RIMS2: variants seen among roughly 807,000 people sequenced by gnomAD.
The protein encoded by RIMS2 is regulating synaptic membrane exocytosis 2.
A neutral mutation model predicts 174.4 loss-of-function variants in RIMS2; 59 were observed. The observed-to-expected ratio is 0.34, with a 90% CI of 0.27 to 0.42. The LOEUF (loss-of-function observed/expected upper bound fraction) is 0.42. RIMS2 is among the 10% of genes least tolerant of loss of function. The pLI is 1.00. For synonymous variants in RIMS2, 606 were observed against 572.5 expected, an observed-to-expected ratio of 1.06 and a Z score of -0.84; for missense variants, 1,620 against 1,666.3, an observed-to-expected ratio of 0.97 and a Z score of 0.48.
At chr8:104,099,792 C>T (rs1238379396) in intron 19 of RIMS2, among the ~76,000 whole-genome samples, 3 of 151,258 alleles carry the variant, frequency 2.0e-5, no homozygotes, top group Non-Finnish European at 2.9e-5. Context: ...CCCATATGAT[C>T]GGCAGAAAAC....
intron 2 of RIMS2, among the ~76,000 whole-genome samples, chr8:103,726,367 A>G (rs181581003): frequency 2.6e-5 from 4 of 152,192 alleles, no homozygotes; most frequent in Non-Finnish European, 5.9e-5. Context: ...TGTATTTTGG[A>G]GAACAGATAA....
At chr8:104,122,547 T>C (rs1027348981) in intron 19 of RIMS2, among the ~76,000 whole-genome samples, 6 of 152,048 alleles carry the variant, frequency 3.9e-5, no homozygotes, top group African/African-American at 1.4e-4. Flanking sequence ...GAAAAAAAGT[T>C]TGGGATGTCA....
chr8:103,505,967 G>A (rs1311058327), intron 1 of RIMS2, among the ~76,000 whole-genome samples: 8 of 151,884 alleles, frequency 5.3e-5, no homozygotes, highest in South Asian at 2.1e-4. Flanking sequence ...TACTGGTCAC[G>A]ATTTAAAAAA....
chr8:104,253,338 A>G (rs1385024882), downstream of RIMS2: 1 of 152,190 alleles, frequency 6.6e-6, no homozygotes, highest in African/African-American at 2.4e-5. Flanking sequence ...GAATAGAAGC[A>G]CTGCTAAAAA....
At chr8:103,511,441 G>A (rs1276166517) in intron 1 of RIMS2, among the ~76,000 whole-genome samples, 1 of 152,226 alleles carries the variant, frequency 6.6e-6, no homozygotes, top group Non-Finnish European at 1.5e-5. Context: ...ATTTCCACAA[G>A]AAGTAGTTTC....
At chr8:104,164,058 G>A (rs527894796) in intron 19 of RIMS2, among the ~76,000 whole-genome samples, 1 of 152,112 alleles carries the variant, frequency 6.6e-6, no homozygotes, top group Non-Finnish European at 1.5e-5. Context: ...TAGCCCAAAG[G>A]TAGGGGAACA....
intron 3 of RIMS2, chr8:103,819,236 T>C: frequency 7.9e-7 from 1 of 1,260,482 alleles, no homozygotes; most frequent in African/African-American, 1.5e-5. Context: ...CAGCTGGGAA[T>C]GCCCAAAAAG....
chr8:103,915,530 T>G (rs756288094), exon 7 of RIMS2: 1 of 1,607,460 alleles, frequency 6.2e-7, no homozygotes, highest in South Asian at 1.1e-5. Flanking sequence ...CAGGTCGGCT[T>G]TGTGCATTTA....
chr8:104,056,966 C>T (rs892316165), intron 19 of RIMS2, among the ~76,000 whole-genome samples: 14 of 152,144 alleles, frequency 9.2e-5, no homozygotes, highest in East Asian at 5.8e-4. Context: ...TTCAAGGTCC[C>T]GTCAACTCTG....
At chr8:104,059,275 G>T (rs971740165) in intron 19 of RIMS2, among the ~76,000 whole-genome samples, 4 of 149,224 alleles carry the variant, frequency 2.7e-5, no homozygotes, top group Non-Finnish European at 4.5e-5. Context: ...TCCTTGAAGA[G>T]GTCCTTCACA....
intron 15 of RIMS2, among the ~76,000 whole-genome samples, chr8:103,971,094 C>T (rs1292954797): frequency 6.6e-6 from 1 of 152,118 alleles, no homozygotes; most frequent in African/African-American, 2.4e-5. Flanking sequence ...TGATGCACTT[C>T]ACAACTTGAA....
chr8:104,203,119 A>T (rs1368772227), intron 19 of RIMS2, among the ~76,000 whole-genome samples: 2 of 152,194 alleles, frequency 1.3e-5, no homozygotes. Context: ...ATATAAAATG[A>T]TTTATCAGGC....
chr8:103,868,583 A>C (rs16870786), intron 3 of RIMS2, among the ~76,000 whole-genome samples: 23,963 of 152,120 alleles, frequency 0.16, 1,990 homozygotes, highest in Middle Eastern at 0.24. Flanking sequence ...CCATGTGTTA[A>C]GATTAAACAT....
At chr8:103,952,036 C>G (rs2085531497) in intron 14 of RIMS2, among the ~76,000 whole-genome samples, 2 of 152,190 alleles carry the variant, frequency 1.3e-5, no homozygotes, top group Admixed American at 1.3e-4. Flanking sequence ...GCCACTGTGG[C>G]CAGACTGCCT....
intron 1 of RIMS2, among the ~76,000 whole-genome samples, chr8:103,617,372 A>G (rs1468262544): frequency 6.6e-6 from 1 of 152,212 alleles, no homozygotes; most frequent in Non-Finnish European, 1.5e-5. Context: ...AAGATGGATT[A>G]AAGACTTAAA....
intron 1 of RIMS2, among the ~76,000 whole-genome samples, chr8:103,591,579 T>G (rs1266038810): frequency 6.6e-6 from 1 of 151,314 alleles, no homozygotes; most frequent in Non-Finnish European, 1.5e-5. Context: ...GAATTAATTA[T>G]TGTATGTGGT....
At chr8:103,964,373 T>C (rs1335881947) in intron 15 of RIMS2, among the ~76,000 whole-genome samples, 1 of 152,148 alleles carries the variant, frequency 6.6e-6, no homozygotes, top group African/African-American at 2.4e-5. Context: ...AGGTGTATAG[T>C]GGTATCTTGT....
intron 5 of RIMS2, among the ~76,000 whole-genome samples, chr8:103,911,674 C>T (rs1043836828): frequency 2.0e-5 from 3 of 152,116 alleles, no homozygotes; most frequent in Admixed American, 6.5e-5. Context: ...AATGAATTCA[C>T]TTGCGTAGAA....
intron 1 of RIMS2, among the ~76,000 whole-genome samples, chr8:103,646,353 T>C (rs2096332360): frequency 6.6e-6 from 1 of 152,122 alleles, no homozygotes; most frequent in Non-Finnish European, 1.5e-5. Context: ...TCGTATCATA[T>C]GCATCATGAA....
Sources: gnomAD v4.1 joint callset for allele counts (sites outside exome capture counted in the v4.1 genomes callset) on GRCh38, gnomAD v4.1.1 for gene constraint, MANE v1.5 for transcripts, NCBI Gene and HGNC (gene_info 2026-07-23, HGNC 2026-07-21) for gene names.